The following MSRA variants were observed in gnomAD, a reference collection of about 807,000 sequenced individuals.
The protein encoded by MSRA is mitochondrial peptide methionine sulfoxide reductase.
In MSRA, 54 loss-of-function variants were observed where a neutral mutation model predicts 31.3. The ratio of observed to expected loss-of-function variants is 1.73; its 90% CI spans 1.39 to 2.17. The LOEUF (loss-of-function observed/expected upper bound fraction) is 2.17. Ranked by LOEUF, MSRA falls within the 30% of genes most tolerant of loss-of-function variation. MSRA has a pLI of 0.00. For synonymous variants in MSRA, 169 were observed against 116.5 expected, an observed-to-expected ratio of 1.45 and a Z score of -2.90; for missense variants, 507 against 300.9, an observed-to-expected ratio of 1.69 and a Z score of -5.07.
intron 4 of MSRA, among the ~76,000 whole-genome samples, chr8:10,314,476 A>G (rs1319161596): frequency 6.6e-6 from 1 of 152,204 alleles, no homozygotes; most frequent in African/African-American, 2.4e-5. Context: ...AGACTGACAA[A>G]AAGTGAAAAT....
intron 5 of MSRA, among the ~76,000 whole-genome samples, chr8:10,419,335 C>T: frequency 6.6e-6 from 1 of 151,466 alleles, no homozygotes; most frequent in East Asian, 1.9e-4. Flanking sequence ...CGGACCTACC[C>T]CTCACCCTTG....
At chr8:10,291,459 T>G (rs1649925144) in intron 3 of MSRA, among the ~76,000 whole-genome samples, 1 of 152,014 alleles carries the variant, frequency 6.6e-6, no homozygotes, top group South Asian at 2.1e-4. Flanking sequence ...TAGACACTCC[T>G]CAAATCCTAT....
chr8:10,190,966 T>G (rs1172552965), intron 1 of MSRA, among the ~76,000 whole-genome samples: 1 of 152,176 alleles, frequency 6.6e-6, no homozygotes, highest in Non-Finnish European at 1.5e-5. Context: ...GACTGGTCGA[T>G]CAGCTTCAGC....
intron 1 of MSRA, among the ~76,000 whole-genome samples, chr8:10,128,636 C>G (rs1033204414): frequency 3.3e-5 from 5 of 152,196 alleles, no homozygotes; most frequent in African/African-American, 1.2e-4. Context: ...TGTGTGTGCA[C>G]TTCATGAGGG....
chr8:10,267,725 C>G (rs1316568781), intron 3 of MSRA, among the ~76,000 whole-genome samples: 1 of 152,142 alleles, frequency 6.6e-6, no homozygotes, highest in African/African-American at 2.4e-5. Flanking sequence ...CTTAGTCTCT[C>G]CCGACACCAA....
intron 3 of MSRA, among the ~76,000 whole-genome samples, chr8:10,254,293 C>A (rs1328221792): frequency 6.6e-6 from 1 of 152,164 alleles, no homozygotes; most frequent in Non-Finnish European, 1.5e-5. Flanking sequence ...ATAGTTGTTG[C>A]CTTCCTCTTT....
intron 3 of MSRA, among the ~76,000 whole-genome samples, chr8:10,285,330 T>G (rs1278680048): frequency 6.6e-6 from 1 of 152,252 alleles, no homozygotes; most frequent in Non-Finnish European, 1.5e-5. Context: ...AGCATTTCCC[T>G]TATTTTTTAT....
chr8:10,388,433 G>T (rs530192456), intron 5 of MSRA, among the ~76,000 whole-genome samples: 5 of 152,320 alleles, frequency 3.3e-5, no homozygotes, highest in East Asian at 1.9e-4. Flanking sequence ...TGTTTTCAGA[G>T]CTTCTCCTGT....
intron 2 of MSRA, among the ~76,000 whole-genome samples, chr8:10,238,278 C>T (rs1812122436): frequency 6.6e-6 from 1 of 152,206 alleles, no homozygotes; most frequent in South Asian, 2.1e-4. Context: ...CTTGGAGGCT[C>T]ACCCTATTTA....
At chr8:10,343,315 GT>G (rs1803560924) in intron 5 of MSRA, among the ~76,000 whole-genome samples, 1 of 152,188 alleles carries the variant, frequency 6.6e-6, no homozygotes, top group South Asian at 2.1e-4. Flanking sequence ...GATGTAATTA[GT>G]TTACATGTCA....
At chr8:10,261,508 C>T (rs1176096397) in intron 3 of MSRA, among the ~76,000 whole-genome samples, 1 of 151,858 alleles carries the variant, frequency 6.6e-6, no homozygotes, top group Non-Finnish European at 1.5e-5. Flanking sequence ...CCAGGCTGGG[C>T]AAGAAAGCAA....
chr8:10,401,041 AAAAG>A (rs916673097), intron 5 of MSRA, among the ~76,000 whole-genome samples: 18 of 152,360 alleles, frequency 1.2e-4, no homozygotes, highest in Admixed American at 8.5e-4. Context: ...ACACAAGAAA[AAAAG>A]AAATTGGATT....
At chr8:10,244,870 A>C (rs1185878978) in intron 2 of MSRA, among the ~76,000 whole-genome samples, 1 of 152,208 alleles carries the variant, frequency 6.6e-6, no homozygotes, top group African/African-American at 2.4e-5. Context: ...GAGGCCTTCT[A>C]AGTTTTTGCA....
intron 3 of MSRA, among the ~76,000 whole-genome samples, chr8:10,289,664 T>A (rs1238426689): frequency 6.6e-6 from 1 of 152,200 alleles, no homozygotes; most frequent in Non-Finnish European, 1.5e-5. Context: ...TATGAAAACA[T>A]ATTGGACTTG....
At chr8:10,062,609 T>G (rs963487453) in intron 1 of MSRA, among the ~76,000 whole-genome samples, 1 of 152,218 alleles carries the variant, frequency 6.6e-6, no homozygotes, top group East Asian at 1.9e-4. Context: ...ACGCATGTTA[T>G]GTATTATGGC....
chr8:10,332,451 T>TACCC (rs1554529516), intron 5 of MSRA, among the ~76,000 whole-genome samples: 2 of 146,510 alleles, frequency 1.4e-5, no homozygotes, highest in African/African-American at 2.5e-5. Flanking sequence ...AAAAGAAAAA[T>TACCC]CCCCCCTCCC....
intron 3 of MSRA, among the ~76,000 whole-genome samples, chr8:10,279,874 A>C (rs1489383889): frequency 2.0e-5 from 3 of 152,196 alleles, no homozygotes; most frequent in Admixed American, 2.0e-4. Flanking sequence ...AGCTATTTCA[A>C]ATATCTATGA....
chr8:10,151,363 G>A (rs1803659326), intron 1 of MSRA, among the ~76,000 whole-genome samples: 1 of 152,064 alleles, frequency 6.6e-6, no homozygotes, highest in African/African-American at 2.4e-5. Context: ...AGAACAGCAG[G>A]CCGGGCGTGG....
At chr8:10,303,266 G>A (rs923541258) in intron 4 of MSRA, among the ~76,000 whole-genome samples, 2 of 152,200 alleles carry the variant, frequency 1.3e-5, no homozygotes, top group Non-Finnish European at 2.9e-5. Context: ...TTGTAAAGAA[G>A]GCCAAGTCTG....
Sources: allele counts gnomAD v4.1 joint callset (sites outside exome capture counted in the v4.1 genomes callset), GRCh38; gene constraint gnomAD v4.1.1; transcripts MANE v1.5; gene names NCBI Gene and HGNC (gene_info 2026-07-23, HGNC 2026-07-21).